The following FAM186A variants were observed in gnomAD, a reference collection of about 807,000 sequenced individuals.
The protein encoded by FAM186A is protein FAM186A.
A neutral mutation model predicts 216.8 loss-of-function variants in FAM186A; 163 were observed. That is an observed-to-expected ratio of 0.75 (90% CI 0.66 to 0.86). The LOEUF (loss-of-function observed/expected upper bound fraction) is 0.86, where lower values mean the gene tolerates loss of function less well. FAM186A is among the 40% of genes least tolerant of loss of function. FAM186A has a pLI of 0.00. For missense variants in FAM186A, 2,184 were observed against 2,746.2 expected, an observed-to-expected ratio of 0.80 and a Z score of 4.58; for synonymous variants, 805 against 1,025.3, an observed-to-expected ratio of 0.79 and a Z score of 4.10.
chr12:50,353,987 T>G lies in FAM186A; in HGVS notation c.2845A>C (p.Ile949Leu). 6.4e-7 allele frequency: 1 copy of G among 1,552,184 alleles called. No individual in the cohort carries two copies. The highest frequency in any genetic ancestry group is 8.7e-7 in the Non-Finnish European group (1 of 1,147,236). ...CCCAAATGTTTCGCTTCCTTCTGAA[T>G]CTGCCTCATCTGTCCATTCTCCTTT... is the stretch of plus-strand genomic sequence containing the variant. ...LEKENGQMRQIQKEAKHLGPH... is the reference protein window; with the variant it reads ...LEKENGQMRQLQKEAKHLGPH... Residue 949 changes from isoleucine to leucine, a missense_variant, in exon 4 of 8, where the codon ATT becomes CTT. This residue lies in a region of FAM186A where 1,132 missense variants were observed against 1,263.4 expected (regional missense o/e 0.90). Coordinates refer to ENST00000327337, the MANE Select transcript of FAM186A (RefSeq NM_001145475.3).
chr12:50,369,216 C>T (rs138517239), intron 1 of FAM186A, among the ~76,000 whole-genome samples: 11 of 152,014 alleles, frequency 7.2e-5, no homozygotes, highest in African/African-American at 2.4e-4. Context: ...ATGGGCTGGG[C>T]ACGGTGGCTC....
intron 3 of FAM186A, among the ~76,000 whole-genome samples, chr12:50,357,488 G>A (rs1942989282): frequency 1.5e-5 from 2 of 137,692 alleles, no homozygotes; most frequent in Admixed American, 1.6e-4. Flanking sequence ...GGCAAAGAGT[G>A]AGACTCTGTC....
At chr12:50,390,689 T>C (rs1251520784) in intron 1 of FAM186A, among the ~76,000 whole-genome samples, 1 of 152,138 alleles carries the variant, frequency 6.6e-6, no homozygotes, top group African/African-American at 2.4e-5. Flanking sequence ...CAGTTCCCAC[T>C]GTTAAGGTCT....
In FAM186A at chr12:50,352,472, C is replaced by T; in HGVS notation, c.4360G>A (p.Glu1454Lys). The part of the protein sequence containing the change: ...GMPLTAQQAQ[E>K]LGITLTPQQA... ...TGAGGGGTGAGAGTGATCCCCAGCTCCTGAGCCTGCTGAGCGGTGAGAGGC... is the reference window on the plus strand; with the variant it reads ...TGAGGGGTGAGAGTGATCCCCAGCTTCTGAGCCTGCTGAGCGGTGAGAGGC... The change falls in exon 4 of 8, where the codon GAG becomes AAG. Residue 1454 changes from glutamate to lysine, a missense_variant. Glu to Lys is a moderately conservative substitution (Grantham distance 56). Coordinates refer to ENST00000327337, the MANE Select transcript of FAM186A (RefSeq NM_001145475.3). The T allele has an allele frequency of 1.3e-6, 2 of 1,497,584 alleles. No homozygotes were observed. The highest frequency in any genetic ancestry group is 1.8e-6 in the Non-Finnish European group (2 of 1,115,954). The allele number at this position is 1,497,584 out of a possible 1,614,324, so 92.8% of individuals were successfully genotyped here.
rs139370769 is a variant in FAM186A at position 50,373,260 on chromosome 12, G to A, written c.193-9896C>T. On this transcript the variant is annotated intron_variant, in intron 1 of 7. Transcript: ENST00000327337. Reference sequence around the variant, plus strand: ...GAAAATGCAAAAATTAGCCGGGTGTGGTGGCACGCACCTGTAGTCCCAGCT... The same window carrying A: ...GAAAATGCAAAAATTAGCCGGGTGTAGTGGCACGCACCTGTAGTCCCAGCT... Among the ~76,000 whole-genome samples, 945 of 152,202 alleles carry A rather than the reference G, an allele frequency of 6.2e-3. 10 individuals carry two copies. Among genetic ancestry groups the A allele is most frequent in the African/African-American group, 0.022 (917 of 41,532 alleles).
chr12:50,355,306 A>C lies in FAM186A; in HGVS notation c.1526T>G (p.Phe509Cys). Residue 509 changes from phenylalanine (F) to cysteine (C), a missense_variant, in exon 4 of 8, where the codon TTT (phenylalanine) becomes TGT (cysteine). By Grantham distance (205) the Phe-to-Cys change is radical. Coordinates refer to ENST00000327337, the MANE Select transcript of FAM186A (RefSeq NM_001145475.3). The part of the protein sequence containing the change: ...LKKKRKEMKS[F>C]SEDKSKSPTE... ...GGGTGACTTTGATTTATCTTCAGAA[A>C]AGGATTTCATTTCTTTTCTTTTCTT... is the stretch of plus-strand genomic sequence containing the variant. The C allele has an allele frequency of 6.4e-7, 1 of 1,550,764 alleles. No homozygotes were observed.
chr12:50,351,284 G>C lies in FAM186A; in HGVS notation c.5548C>G (p.Pro1850Ala). The C allele has an allele frequency of 3.2e-6, 5 of 1,548,610 alleles. No homozygotes were observed. The highest frequency in any genetic ancestry group is 4.4e-6 in the Non-Finnish European group (5 of 1,145,908). The change falls in exon 4 of 8, where the codon CCA becomes GCA. Residue 1850 changes from proline (P) to alanine (A), a missense_variant. This residue lies in a region of FAM186A where 721 missense variants were observed against 816.4 expected (regional missense o/e 0.88). Coordinates refer to ENST00000327337, the MANE Select transcript of FAM186A (RefSeq NM_001145475.3). Reference sequence around the variant, plus strand: ...GGAGAAAGAGGAGCCCAGAGACTTGGAATCTGTCCAGAAGTGGGTGGAACT... The same window carrying C: ...GGAGAAAGAGGAGCCCAGAGACTTGCAATCTGTCCAGAAGTGGGTGGAACT... ...AGVPPTSGQI[P>A]SLWAPLSPGQ...
intron 1 of FAM186A, among the ~76,000 whole-genome samples, chr12:50,368,759 AT>A (rs1462629899): frequency 3.3e-5 from 5 of 152,096 alleles, no homozygotes; most frequent in African/African-American, 1.2e-4. Context: ...ACATTTTCTG[AT>A]TTCAAACTTA....
Position 50,353,290 on chromosome 12 carries a change from A to T in FAM186A, c.3542T>A (p.Ile1181Asn), listed in dbSNP as rs1942929598. Residue 1181 changes from isoleucine to asparagine, a missense_variant, in exon 4 of 8, where the codon ATC becomes AAC. By Grantham distance (149) the Ile-to-Asn change is moderately radical. Transcript: ENST00000327337. The part of the protein sequence containing the change: ...LTPQQAQALG[I>N]PLTPQQAQEL... ...CTGAGCCTGCTGAGGGGTGAGAGGGATCCCCAGGGCCTGGGCCTGCTGAGG... is the reference window on the plus strand; with the variant it reads ...CTGAGCCTGCTGAGGGGTGAGAGGGTTCCCCAGGGCCTGGGCCTGCTGAGG... 6.5e-7 allele frequency: 1 copy of T among 1,547,184 alleles called. No homozygotes were observed.
intron 1 of FAM186A, among the ~76,000 whole-genome samples, chr12:50,384,473 A>G (rs777305463): frequency 5.3e-5 from 8 of 152,134 alleles, no homozygotes; most frequent in Non-Finnish European, 1.0e-4. Context: ...GCCACAACAG[A>G]CCCTGAATAT....
intron 4 of FAM186A, among the ~76,000 whole-genome samples, chr12:50,345,656 G>A (rs1395179084): frequency 6.6e-6 from 1 of 152,088 alleles, no homozygotes; most frequent in South Asian, 2.1e-4. Flanking sequence ...TTAGATGATT[G>A]TGGGTATGGG....
At chr12:50,393,534 T>G (rs1231728618) in intron 1 of FAM186A, among the ~76,000 whole-genome samples, 2 of 147,472 alleles carry the variant, frequency 1.4e-5, no homozygotes, top group Non-Finnish European at 3.0e-5. Context: ...AGAGCGAGAC[T>G]CCATCTCAAA....
At chr12:50,372,629 G>A (rs113656900) in intron 1 of FAM186A, among the ~76,000 whole-genome samples, 21 of 150,794 alleles carry the variant, frequency 1.4e-4, no homozygotes, top group African/African-American at 4.6e-4. Context: ...GGCCGGGCAC[G>A]GTGGTTCACA....
At chr12:50,343,306 T>C (rs1942782619) in intron 4 of FAM186A, among the ~76,000 whole-genome samples, 1 of 152,098 alleles carries the variant, frequency 6.6e-6, no homozygotes. Flanking sequence ...CTTCCCAAGG[T>C]GCTGTGATTA....
chr12:50,366,596 C>A (rs1943089555), intron 1 of FAM186A, among the ~76,000 whole-genome samples: 3 of 74,688 alleles, frequency 4.0e-5, no homozygotes, highest in Non-Finnish European at 5.0e-5. Context: ...GTAAATCAAT[C>A]AATGCAATGT....
rs1565885232 is a variant in FAM186A, at chr12:50,352,776, G to A, written c.4056C>T (p.Thr1352=). Residue 1352 remains threonine (T), a synonymous_variant, in exon 4 of 8, where the codon ACC becomes ACT. Coordinates refer to ENST00000327337, the MANE Select transcript of FAM186A (RefSeq NM_001145475.3). ...QQAQALGMPL[T]TQQAQELGIP... ...TCCCCAGTTCCTGAGCCTGCTGAGTGGTGAGAGGCATCCCCAAGGCCTGGG... is the reference window on the plus strand; with the variant it reads ...TCCCCAGTTCCTGAGCCTGCTGAGTAGTGAGAGGCATCCCCAAGGCCTGGG... The A allele has an allele frequency of 1.3e-6, 2 of 1,545,204 alleles. No individual in the cohort carries two copies. Among genetic ancestry groups the A allele is most frequent in the Non-Finnish European group, 8.7e-7 (1 of 1,144,468 alleles).
chr12:50,373,914 AT>A (rs1250780793), intron 1 of FAM186A, among the ~76,000 whole-genome samples: 2 of 151,866 alleles, frequency 1.3e-5, no homozygotes, highest in African/African-American at 4.8e-5. Flanking sequence ...ATGTCCAACA[AT>A]GATAGACTGG....
At chr12:50,327,568 G>T (rs1277643551) in intron 7 of FAM186A, among the ~76,000 whole-genome samples, 164 bp from the exon 8 acceptor site, 3 of 148,310 alleles carry the variant, frequency 2.0e-5, no homozygotes, top group Non-Finnish European at 3.0e-5. Context: ...TTGAGACAGG[G>T]TCTCCTACTG....
rs1942962973 is a variant in FAM186A at position 50,355,346 on chromosome 12, G to C, written c.1486C>G (p.Leu496Val). 1.3e-6 allele frequency: 2 copies of C among 1,550,830 alleles called. No individual in the cohort carries two copies. Among genetic ancestry groups the C allele is most frequent in the African/African-American group, 2.7e-5 (2 of 72,920 alleles). The part of the protein sequence containing the change: ...SEAKPSQYYE[L>V]QVLKKKRKEM... Reference sequence around the variant, plus strand: ...TTTCTTTTCTTTTTCAGTACTTGTAGCTCATAGTATTGACTAGGTTTGGCC... The same window carrying C: ...TTTCTTTTCTTTTTCAGTACTTGTACCTCATAGTATTGACTAGGTTTGGCC... The change falls in exon 4 of 8, where the codon CTA becomes GTA. Residue 496 changes from leucine to valine, a missense_variant. Physicochemically the swap from Leu to Val is conservative, Grantham distance 32. This residue lies in a region of FAM186A where 1,132 missense variants were observed against 1,263.4 expected (regional missense o/e 0.90). Transcript: ENST00000327337.
Sources: allele counts gnomAD v4.1 joint callset (sites outside exome capture counted in the v4.1 genomes callset), GRCh38; gene constraint gnomAD v4.1.1; regional missense constraint gnomAD v4.1.1; transcripts MANE v1.5; gene names NCBI Gene and HGNC (gene_info 2026-07-23, HGNC 2026-07-21).